The following NUCB1 variants were observed in gnomAD, a reference collection of about 807,000 sequenced individuals.
The protein encoded by NUCB1 is nucleobindin 1.
In NUCB1, 47 loss-of-function variants were observed where a neutral mutation model predicts 61.2. The observed-to-expected ratio is 0.77, with a 90% CI of 0.61 to 0.98. The LOEUF (loss-of-function observed/expected upper bound fraction) is 0.98, where lower values mean the gene tolerates loss of function less well. Among genes scored for constraint, NUCB1 ranks in the 50% least tolerant of loss-of-function variants. NUCB1 has a pLI of 0.00. For synonymous variants in NUCB1, 234 were observed against 243.1 expected, an observed-to-expected ratio of 0.96 and a Z score of 0.35; for missense variants, 583 against 605.3, an observed-to-expected ratio of 0.96 and a Z score of 0.39.
intron 10 of NUCB1, among the ~76,000 whole-genome samples, chr19:48,919,490 T>TATTTATTTATTC (rs977587860): frequency 6.6e-6 from 1 of 150,840 alleles, no homozygotes; most frequent in Non-Finnish European, 1.5e-5. Flanking sequence ...TTTATTTATT[T>TATTTATTTATTC]ATTCTGAGAC....
At chr19:48,913,750 G>A (rs1374936630) in intron 7 of NUCB1, among the ~76,000 whole-genome samples, 186 bp downstream of exon 7, 6 of 152,196 alleles carry the variant, frequency 3.9e-5, no homozygotes, top group Admixed American at 1.3e-4. Context: ...CTGCATGGAA[G>A]GGTTGGGCCT....
intron 1 of NUCB1, 35 bp from the exon 2 acceptor site, chr19:48,900,751 A>G: frequency 7.5e-6 from 12 of 1,601,814 alleles, no homozygotes; most frequent in Non-Finnish European, 1.0e-5. Context: ...CTTGGGACAG[A>G]CATTATGCAT....
In NUCB1 at chr19:48,921,335, G is replaced by A. The variant is rs768949096; in HGVS notation, c.1173+11G>A. ...AGAGAGCTGCAGCAGGTGACAGCGGGGGAAGCTGCTTCCATCCACTGAATC... is the reference window on the plus strand; with the variant it reads ...AGAGAGCTGCAGCAGGTGACAGCGGAGGAAGCTGCTTCCATCCACTGAATC... On this transcript the variant is annotated intron_variant, in intron 11 of 12. Transcript: ENST00000405315. 9 of 1,569,446 alleles carry A rather than the reference G, an allele frequency of 5.7e-6. No homozygotes were observed. Among genetic ancestry groups the A allele is most frequent in the Non-Finnish European group, 7.8e-6 (9 of 1,157,830 alleles).
In NUCB1 at chr19:48,922,050, C is replaced by T. The variant is rs2037615938; in HGVS notation, c.1279+118C>T. The T allele has an allele frequency of 1.4e-5, 12 of 830,276 alleles. No individual in the cohort carries two copies. The South Asian group carries it at 2.1e-4, about 15-fold the overall frequency. The allele number at this position is 830,276 out of a possible 1,614,324, so 51.4% of individuals were successfully genotyped here. ...AAGAGGGACTGGGGGCCCAGACTCCCAGATCTGAGGGAAGAGGGACTGGGG... is the reference window on the plus strand; with the variant it reads ...AAGAGGGACTGGGGGCCCAGACTCCTAGATCTGAGGGAAGAGGGACTGGGG... On this transcript the variant is annotated intron_variant, in intron 12 of 12. Coordinates refer to ENST00000405315, the MANE Select transcript of NUCB1 (RefSeq NM_006184.6).
chr19:48,902,379 G>A (rs573373115), intron 2 of NUCB1, among the ~76,000 whole-genome samples: 5 of 151,470 alleles, frequency 3.3e-5, no homozygotes, highest in African/African-American at 9.7e-5. Context: ...AAAGTGGTGG[G>A]ATTACAGGCA....
At chr19:48,920,042 T>C (rs1410435893) in intron 10 of NUCB1, among the ~76,000 whole-genome samples, 2 of 151,918 alleles carry the variant, frequency 1.3e-5, no homozygotes, top group African/African-American at 2.4e-5. Context: ...GTGGTGGGAT[T>C]ACAGGCATGC....
rs145138180 is a variant in NUCB1 at position 48,922,358 on chromosome 19, G to A, written c.1320G>A (p.Glu440=). The A allele has an allele frequency of 5.0e-6, 8 of 1,613,748 alleles. No individual in the cohort carries two copies. In the African/African-American group the frequency reaches 8.0e-5, roughly 16 times the overall value. ...PVPAPAGDQK[E]VDTSEKKLLE... ...CAGCTCCAGCCGGTGACCAGAAGGA[G>A]GTGGACACTTCAGAAAAGAAACTTC... The change falls in exon 13 of 13, where the codon GAG becomes GAA. Residue 440 remains glutamate (E), a synonymous_variant. Transcript: ENST00000405315.
chr19:48,919,311 G>T, intron 10 of NUCB1, 25 bp downstream of exon 10: 1 of 1,548,930 alleles, frequency 6.5e-7, no homozygotes, highest in Non-Finnish European at 8.9e-7. Flanking sequence ...GATACTCGGG[G>T]TCCTGAACCT....
At chr19:48,901,061 A>G (rs780425480) in intron 2 of NUCB1, 130 bp downstream of exon 2, 13 of 1,093,806 alleles carry the variant, frequency 1.2e-5, no homozygotes, top group Middle Eastern at 2.0e-4. Context: ...TTTTTTGCCC[A>G]CCATTCCTCC....
chr19:48,906,421 A>AT (rs2037414117), intron 4 of NUCB1, among the ~76,000 whole-genome samples: 1 of 151,282 alleles, frequency 6.6e-6, no homozygotes, highest in African/African-American at 2.4e-5. Context: ...AAAAAAAAAA[A>AT]TTGTCATTTA....
intron 4 of NUCB1, 44 bp downstream of exon 4, chr19:48,905,929 G>GA (rs2037406929): frequency 1.0e-6 from 1 of 965,762 alleles, no homozygotes; most frequent in Non-Finnish European, 1.6e-6. Context: ...GAGGGGTGGG[G>GA]AAGGGTGGCC....
intron 4 of NUCB1, among the ~76,000 whole-genome samples, chr19:48,906,249 A>T (rs1193588592): frequency 1.3e-5 from 2 of 151,990 alleles, no homozygotes; most frequent in Non-Finnish European, 2.9e-5. Context: ...TGCTAAAAAT[A>T]CTAAATTAGC....
chr19:48,911,648 C>G (rs1298917113), intron 5 of NUCB1, among the ~76,000 whole-genome samples: 1 of 151,994 alleles, frequency 6.6e-6, no homozygotes, highest in African/African-American at 2.4e-5. Flanking sequence ...TCAGGTGATC[C>G]ACCCGCCTCA....
chr19:48,910,505 G>A (rs2037460475), intron 4 of NUCB1, among the ~76,000 whole-genome samples: 1 of 151,776 alleles, frequency 6.6e-6, no homozygotes, highest in South Asian at 2.1e-4. Flanking sequence ...GGCCAACATG[G>A]TGAAACCCTG....
chr19:48,904,527 CTTT>C (rs1237030248), intron 3 of NUCB1, 73 bp downstream of exon 3: 1,989 of 578,942 alleles, frequency 3.4e-3, no homozygotes, highest in Middle Eastern at 4.1e-3. Context: ...GGACTGGTTT[CTTT>C]TTTTTTTTTT....
At chr19:48,904,030 G>T (rs1184195259) in intron 2 of NUCB1, among the ~76,000 whole-genome samples, 1 of 148,328 alleles carries the variant, frequency 6.7e-6, no homozygotes, top group Non-Finnish European at 1.5e-5. Flanking sequence ...GGGTGGGTGG[G>T]ATGTATGGAT....
At chr19:48,917,786 G>A (rs1019799967) in intron 7 of NUCB1, among the ~76,000 whole-genome samples, 7 of 150,614 alleles carry the variant, frequency 4.6e-5, no homozygotes, top group Admixed American at 2.0e-4. Flanking sequence ...GTGAGCCACC[G>A]CACCCGGCCC....
chr19:48,905,019 T>G (rs1219312693), intron 3 of NUCB1, among the ~76,000 whole-genome samples: 1 of 152,170 alleles, frequency 6.6e-6, no homozygotes, highest in Non-Finnish European at 1.5e-5. Context: ...CTATGGGGCC[T>G]CCCCTCACCG....
chr19:48,900,893 G>T lies in NUCB1; in HGVS notation c.97G>T (p.Ala33Ser). Residue 33 changes from alanine to serine, a missense_variant, in exon 2 of 13, where the codon GCG becomes TCG. By Grantham distance (99) the Ala-to-Ser change is moderately conservative (BLOSUM62 1). Transcript: ENST00000405315. ...AVLAVPLERG[A>S]PNKEETPATE... ...GCTGGCTGTCCCCCTGGAGCGAGGG[G>T]CGCCCAACAAGGAGGAGACCCCTGC... The T allele has an allele frequency of 6.2e-7, 1 of 1,613,932 alleles. No individual in the cohort carries two copies.
Sources: gnomAD v4.1 joint callset for allele counts (sites outside exome capture counted in the v4.1 genomes callset) on GRCh38, gnomAD v4.1.1 for gene constraint, MANE v1.5 for transcripts, NCBI Gene and HGNC (gene_info 2026-07-23, HGNC 2026-07-21) for gene names.